The following DCN variants were observed in gnomAD, a reference collection of about 807,000 sequenced individuals.
DCN encodes decorin, also known as bone proteoglycan II.
In DCN, 17 loss-of-function variants were observed where a neutral mutation model predicts 36.5. The ratio of observed to expected loss-of-function variants is 0.47; its 90% CI spans 0.32 to 0.70. The LOEUF (loss-of-function observed/expected upper bound fraction) is 0.70, where lower values mean the gene tolerates loss of function less well. Among genes scored for constraint, DCN ranks in the 30% least tolerant of loss-of-function variants. The probability of loss-of-function intolerance (pLI) is 0.04; values close to 1 mark genes in which losing one functional copy is unlikely to be tolerated. For synonymous variants in DCN, 163 were observed against 161.4 expected (o/e 1.01, Z -0.07); for missense variants, 389 against 430.1 (o/e 0.90, Z 0.84).
chr12:91,159,712 A>G (rs521819), intron 3 of DCN, among the ~76,000 whole-genome samples: 4,442 of 152,020 alleles, frequency 0.029, 228 homozygotes, highest in African/African-American at 0.1. Flanking sequence ...CATTATTATT[A>G]TGCTTATAAC....
chr12:91,153,323 T>A, intron 5 of DCN, 134 bp from the exon 6 acceptor site: 1 of 669,376 alleles, frequency 1.5e-6, no homozygotes, highest in South Asian at 1.6e-5. Flanking sequence ...TTTACTTTTA[T>A]CTTTTTTTTT....
chr12:91,159,880 A>G (rs1390446678), intron 3 of DCN, among the ~76,000 whole-genome samples: 2 of 152,110 alleles, frequency 1.3e-5, no homozygotes, highest in African/African-American at 4.8e-5. Context: ...CAATTATAGT[A>G]TATGTTTCGC....
At position 91,158,327 on chromosome 12, in the gene DCN, A is replaced by G. The variant is rs1284178815; in HGVS notation, c.507T>C (p.Thr169=). The G allele has an allele frequency of 6.2e-6, 10 of 1,613,084 alleles. No individual in the cohort carries two copies. Among genetic ancestry groups the G allele is most frequent in the Non-Finnish European group, 7.6e-6 (9 of 1,179,022 alleles). ...CAATCATCTGGTTCAGTCCATTGAA[A>G]GTAACTTTTCGCACTTTGGTGATCT... is the stretch of plus-strand genomic sequence containing the variant. ...ENEITKVRKV[T]FNGLNQMIVI... Residue 169 remains threonine, a synonymous_variant, in exon 4 of 8, where the codon ACT becomes ACC. Coordinates refer to ENST00000052754, the MANE Select transcript of DCN (RefSeq NM_001920.5).
rs1250000021 is a variant in DCN at position 91,144,755 on chromosome 12, T to C, written c.*1303A>G. On this transcript the variant is annotated 3_prime_UTR_variant, in exon 8 of 8. Coordinates refer to ENST00000052754, the MANE Select transcript of DCN (RefSeq NM_001920.5). ...ACCAAATCTTGCTCTTGAACTATTA[T>C]GCATCTATGGAAACCCACCTCAACT... The C allele has an allele frequency of 6.6e-6, 1 of 152,130 alleles. No homozygotes were observed. The highest frequency in any genetic ancestry group is 2.4e-5 in the African/African-American group (1 of 41,428). The allele number at this position is 152,130 out of a possible 1,614,324, so 9.4% of individuals were successfully genotyped here.
intron 3 of DCN, among the ~76,000 whole-genome samples, chr12:91,162,928 C>A (rs751201770): frequency 1.8e-4 from 28 of 152,222 alleles, no homozygotes; most frequent in Non-Finnish European, 3.7e-4. Flanking sequence ...GACCTAATTT[C>A]CAGATTCTTT....
At chr12:91,163,601 A>T (rs565299889) in intron 3 of DCN, among the ~76,000 whole-genome samples, 1 of 152,178 alleles carries the variant, frequency 6.6e-6, no homozygotes, top group Non-Finnish European at 1.5e-5. Context: ...TGTGAGTGGC[A>T]TCTCTTTTCT....
At chr12:91,149,891 A>G (rs3138276) in intron 7 of DCN, among the ~76,000 whole-genome samples, 7,825 of 152,268 alleles carry the variant, frequency 0.051, 689 homozygotes, top group African/African-American at 0.18. Flanking sequence ...GTATGCTAAA[A>G]ATGACAAAAA....
Position 91,153,198 on chromosome 12 carries a change from T to C in DCN, c.653-9A>G, listed in dbSNP as rs754151704. On this transcript the variant is annotated splice_polypyrimidine_tract_variant and intron_variant, in intron 5 of 7. Transcript: ENST00000052754. Reference sequence around the variant, plus strand: ...AAGGGAAGGAGGAAGACCTGGAATGTGGAATTAAAGATGTTAAATTAGCAG... The same window carrying C: ...AAGGGAAGGAGGAAGACCTGGAATGCGGAATTAAAGATGTTAAATTAGCAG... The C allele has an allele frequency of 1.3e-5, 19 of 1,505,164 alleles. No homozygotes were observed. In the South Asian group the frequency reaches 1.6e-4, roughly 12 times the overall value. 93.2% of individuals were successfully genotyped at this position (1,505,164 alleles called of 1,614,324 possible).
At chr12:91,177,288 T>A (rs1245930035) in intron 2 of DCN, 3 of 404,024 alleles carry the variant, frequency 7.4e-6, no homozygotes, top group African/African-American at 6.2e-5. Context: ...TTTTCTGGGT[T>A]CCTATAGGCA....
At chr12:91,156,198 C>G (rs1881754636) in intron 5 of DCN, among the ~76,000 whole-genome samples, 1 of 152,142 alleles carries the variant, frequency 6.6e-6, no homozygotes, top group Non-Finnish European at 1.5e-5. Context: ...TGAACTTACC[C>G]TTGTGGCTAT....
At chr12:91,174,880 G>T (rs1883194112) in intron 2 of DCN, among the ~76,000 whole-genome samples, 1 of 152,070 alleles carries the variant, frequency 6.6e-6, no homozygotes, top group African/African-American at 2.4e-5. Context: ...GGACTGATTT[G>T]CATTTCAGTA....
At chr12:91,172,567 C>G in intron 2 of DCN, 1 of 452,192 alleles carries the variant, frequency 2.2e-6, no homozygotes, top group East Asian at 4.1e-5. Flanking sequence ...TATTCTCTTT[C>G]CAGTCAAACT....
rs938007384 is a variant in DCN, at chr12:91,145,054, T to G, written c.*1004A>C. 16 of 152,250 alleles carry G rather than the reference T, an allele frequency of 1.1e-4. No homozygotes were observed. Among genetic ancestry groups the G allele is most frequent in the African/African-American group, 3.6e-4 (15 of 41,466 alleles). The allele number at this position is 152,250 out of a possible 1,614,324, so 9.4% of individuals were successfully genotyped here. On this transcript the variant is annotated 3_prime_UTR_variant, in exon 8 of 8. Transcript: ENST00000052754. ...ACAGAAACTATTTTCACATATTTGC[T>G]TATTAATTGTTGATAGCACAAATGT...
At chr12:91,173,487 C>A (rs1031336819) in intron 2 of DCN, among the ~76,000 whole-genome samples, 1 of 152,152 alleles carries the variant, frequency 6.6e-6, no homozygotes, top group Non-Finnish European at 1.5e-5. Context: ...TTAACCAGGT[C>A]ACATTGAGCA....
rs920574189 is a variant in DCN at position 91,142,293 on chromosome 12, A to T, written c.*3765T>A. 6.6e-6 allele frequency: 1 copy of T among 152,196 alleles called. No homozygotes were observed. Among genetic ancestry groups the T allele is most frequent in the Non-Finnish European group, 1.5e-5 (1 of 68,036 alleles). 9.4% of individuals were successfully genotyped at this position (152,196 alleles called of 1,614,324 possible). A position where few individuals can be genotyped will look rare whatever the true frequency, so the allele number is the denominator to read the frequency against. On this transcript the variant is annotated 3_prime_UTR_variant, in exon 8 of 8. Coordinates refer to ENST00000052754, the MANE Select transcript of DCN (RefSeq NM_001920.5). ...TTGTGAAGAGTTGTTGTGTGTGTGAAGGGGCAGTCTTGGACTGGGACTGCC... is the reference window on the plus strand; with the variant it reads ...TTGTGAAGAGTTGTTGTGTGTGTGATGGGGCAGTCTTGGACTGGGACTGCC...
intron 2 of DCN, among the ~76,000 whole-genome samples, chr12:91,167,794 T>A (rs1882675055): frequency 6.6e-6 from 1 of 152,264 alleles, no homozygotes; most frequent in African/African-American, 2.4e-5. Context: ...AGAACCAGGA[T>A]AGTTTGAGTC....
Position 91,153,567 on chromosome 12 carries a change from G to A in DCN, c.653-378C>T, listed in dbSNP as rs142138474. Among the ~76,000 whole-genome samples the A allele has an allele frequency of 6.9e-4, 105 of 152,118 alleles. 1 individual carries two copies. The East Asian group carries it at 0.019, about 28-fold the overall frequency. On this transcript the variant is annotated intron_variant, in intron 5 of 7. Coordinates refer to ENST00000052754, the MANE Select transcript of DCN (RefSeq NM_001920.5). ...TTATAAAGTGGGAAAGTCACTATTCGAACCATAATGAAGAGATTACGTATA... is the reference window on the plus strand; with the variant it reads ...TTATAAAGTGGGAAAGTCACTATTCAAACCATAATGAAGAGATTACGTATA...
rs201740609 is a variant in DCN, at chr12:91,157,089, G to C, written c.638C>G (p.Thr213Ser). The C allele has an allele frequency of 6.3e-7, 1 of 1,598,450 alleles. No homozygotes were observed. Among genetic ancestry groups the C allele is most frequent in the South Asian group, 1.1e-5 (1 of 90,782 alleles). ...TCTTCTATCACCTTGAGGAATGCTG[G>C]TGATATTGGTATCAGCAATGCGGAT... ...SYIRIADTNITSIPQGLPPSL... is the reference protein window; with the variant it reads ...SYIRIADTNISSIPQGLPPSL... The change falls in exon 5 of 8, where the codon ACC (threonine) becomes AGC (serine). Residue 213 changes from threonine (T) to serine (S), a missense_variant. Coordinates refer to ENST00000052754, the MANE Select transcript of DCN (RefSeq NM_001920.5).
intron 7 of DCN, 123 bp from the exon 8 acceptor site, chr12:91,146,375 G>A: frequency 5.6e-6 from 2 of 354,864 alleles, no homozygotes. Flanking sequence ...TTTTTTTTTT[G>A]AGATGGAATC....
Sources: allele counts gnomAD v4.1 joint callset (sites outside exome capture counted in the v4.1 genomes callset), GRCh38; gene constraint gnomAD v4.1.1; transcripts MANE v1.5; gene names NCBI Gene and HGNC (gene_info 2026-07-23, HGNC 2026-07-21).